The following EPHA7 variants were observed in gnomAD, a reference collection of about 807,000 sequenced individuals.
EPHA7 encodes EPH receptor A7, also known as ephrin type-A receptor 7.
EPHA7 carries 25 observed loss-of-function variants against 112.6 expected under a neutral mutation model. The ratio of observed to expected loss-of-function variants is 0.22; its 90% CI spans 0.16 to 0.31. EPHA7 has a LOEUF of 0.31. EPHA7 is among the 10% of genes least tolerant of loss of function. The pLI, the probability that EPHA7 is intolerant of heterozygous loss-of-function variation, is 1.00. For missense variants in EPHA7, 962 were observed against 1,212.6 expected (o/e 0.79, Z 3.07); for synonymous variants, 437 against 406.5 (o/e 1.07, Z -0.90).
At chr6:93,295,144 G>A (rs1463605085) in intron 5 of EPHA7, among the ~76,000 whole-genome samples, 1 of 151,932 alleles carries the variant, frequency 6.6e-6, no homozygotes, top group Non-Finnish European at 1.5e-5. Flanking sequence ...TTTGAACTTT[G>A]TGTGAATGTG....
intron 2 of EPHA7, among the ~76,000 whole-genome samples, chr6:93,411,787 C>A (rs1562168669): frequency 6.6e-6 from 1 of 151,982 alleles, no homozygotes; most frequent in Admixed American, 6.6e-5. Context: ...AGCCACATAA[C>A]TATAAATAAG....
chr6:93,378,052 A>G (rs75235787), intron 3 of EPHA7, among the ~76,000 whole-genome samples: 5 of 44,172 alleles, frequency 1.1e-4, no homozygotes, highest in African/African-American at 3.5e-4. Context: ...AGAAACATGG[A>G]CTCTTTGGTA....
intron 5 of EPHA7, among the ~76,000 whole-genome samples, chr6:93,293,493 A>T (rs1346628716): frequency 1.3e-5 from 2 of 152,190 alleles, no homozygotes; most frequent in African/African-American, 4.8e-5. Flanking sequence ...TGCTCCCAAG[A>T]TCATCATTAT....
intron 5 of EPHA7, among the ~76,000 whole-genome samples, chr6:93,348,774 A>G (rs921815556): frequency 6.6e-6 from 1 of 151,896 alleles, no homozygotes; most frequent in Non-Finnish European, 1.5e-5. Context: ...TTTTCTTTGC[A>G]TATTACAGTA....
intron 5 of EPHA7, among the ~76,000 whole-genome samples, chr6:93,336,157 A>G (rs75638617): frequency 0.058 from 8,830 of 152,220 alleles, 323 homozygotes; most frequent in African/African-American, 0.11. Flanking sequence ...AAGTATTTTA[A>G]TACAAGAAAG....
intron 3 of EPHA7, among the ~76,000 whole-genome samples, chr6:93,385,793 T>C (rs1777571852): frequency 6.6e-6 from 1 of 152,148 alleles, no homozygotes. Context: ...TACACAAGAC[T>C]GAGAAATTTA....
chr6:93,412,132 C>T (rs905323964), intron 2 of EPHA7, among the ~76,000 whole-genome samples: 2 of 151,934 alleles, frequency 1.3e-5, no homozygotes, highest in Non-Finnish European at 2.9e-5. Context: ...TTGTTTTCTT[C>T]GTACAATTAT....
intron 5 of EPHA7, among the ~76,000 whole-genome samples, chr6:93,311,112 C>CTCTTTTTTTTTTT (rs1434719790): frequency 1.4e-5 from 1 of 71,028 alleles, no homozygotes; most frequent in African/African-American, 6.7e-5. Flanking sequence ...TCATGCCCAG[C>CTCTTTTTTTTTTT]TATTTTTTTT....
At chr6:93,406,129 A>G (rs1285102535) in intron 3 of EPHA7, among the ~76,000 whole-genome samples, 1 of 151,266 alleles carries the variant, frequency 6.6e-6, no homozygotes, top group Non-Finnish European at 1.5e-5. Flanking sequence ...TAAAAATTAT[A>G]AGTGTATGAT....
chr6:93,328,062 T>C (rs1774409644), intron 5 of EPHA7, among the ~76,000 whole-genome samples: 1 of 151,472 alleles, frequency 6.6e-6, no homozygotes, highest in East Asian at 1.9e-4. Flanking sequence ...CCACTGAACA[T>C]GCTAAACATG....
chr6:93,347,412 C>T (rs1018242282), intron 5 of EPHA7, among the ~76,000 whole-genome samples: 1 of 150,498 alleles, frequency 6.6e-6, no homozygotes, highest in Non-Finnish European at 1.5e-5. Flanking sequence ...AGGTACTGCA[C>T]TAAACAAGTT....
chr6:93,283,958 A>AG (rs1196723181), intron 5 of EPHA7, among the ~76,000 whole-genome samples: 1 of 152,224 alleles, frequency 6.6e-6, no homozygotes, highest in African/African-American at 2.4e-5. Flanking sequence ...ATATAATTGA[A>AG]GGTATGCCTA....
At chr6:93,246,004 A>G (rs998217041) in intron 15 of EPHA7, among the ~76,000 whole-genome samples, 42 of 151,558 alleles carry the variant, frequency 2.8e-4, no homozygotes, top group African/African-American at 9.7e-4. Flanking sequence ...GGATGAATGG[A>G]CTCTTTTTAA....
chr6:93,314,215 C>T (rs1026049022), intron 5 of EPHA7, among the ~76,000 whole-genome samples: 2 of 152,046 alleles, frequency 1.3e-5, no homozygotes, highest in Non-Finnish European at 2.9e-5. Flanking sequence ...TTCAGTTTGG[C>T]TAAACTGCTT....
chr6:93,387,924 C>CAGACAGATAGATAGAT (rs1310430859), intron 3 of EPHA7, among the ~76,000 whole-genome samples: 97 of 145,674 alleles, frequency 6.7e-4, no homozygotes, highest in African/African-American at 1.2e-3. Context: ...GATAGATAGA[C>CAGACAGATAGATAGAT]AGATAGATAG....
intron 3 of EPHA7, among the ~76,000 whole-genome samples, chr6:93,408,605 A>G (rs2127993130): frequency 6.6e-6 from 1 of 152,188 alleles, no homozygotes; most frequent in South Asian, 2.1e-4. Context: ...GGTCTATGGG[A>G]CCTGAACCTA....
chr6:93,291,763 G>A (rs1582460585), intron 5 of EPHA7, among the ~76,000 whole-genome samples: 2 of 12,552 alleles, frequency 1.6e-4, no homozygotes. Flanking sequence ...GCGAGACTCC[G>A]TCTCAAAAAA....
intron 3 of EPHA7, chr6:93,409,773 G>A (rs1160585243): frequency 2.6e-5 from 4 of 151,038 alleles, no homozygotes; most frequent in Non-Finnish European, 4.4e-5. Context: ...GAAAAAAAAC[G>A]GTTTTATAAA....
chr6:93,405,813 GTATA>G (rs60882775), intron 3 of EPHA7, among the ~76,000 whole-genome samples: 6,151 of 73,838 alleles, frequency 0.083, 238 homozygotes, highest in South Asian at 0.097. Context: ...GTGTGTGTGT[GTATA>G]TATATATATA....
Sources: gnomAD v4.1 joint callset for allele counts (sites outside exome capture counted in the v4.1 genomes callset) on GRCh38, gnomAD v4.1.1 for gene constraint, MANE v1.5 for transcripts, NCBI Gene and HGNC (gene_info 2026-07-23, HGNC 2026-07-21) for gene names.